Variants in SDK1 observed in about 807,000 individuals in gnomAD.
SDK1 encodes sidekick cell adhesion molecule 1.
SDK1 carries 157 observed loss-of-function variants against 245.5 expected under a neutral mutation model. The observed-to-expected ratio is 0.64, with a 90% confidence interval of 0.56 to 0.73. SDK1 has a LOEUF of 0.73. Ranked by LOEUF, SDK1 falls within the 30% of genes least tolerant of loss-of-function variation. The pLI is 0.00. For missense variants in SDK1, 3,583 were observed against 3,002.3 expected, an observed-to-expected ratio of 1.19 and a Z score of -4.52; for synonymous variants, 1,647 against 1,278.5, an observed-to-expected ratio of 1.29 and a Z score of -6.15.
intron 2 of SDK1, among the ~76,000 whole-genome samples, chr7:3,626,046 T>G (rs1259414111): frequency 2.0e-5 from 3 of 149,816 alleles, no homozygotes; most frequent in Admixed American, 6.7e-5. Context: ...TAGACTGAAG[T>G]GATCCTTCTG....
At chr7:3,919,189 G>T (rs546170218) in intron 5 of SDK1, among the ~76,000 whole-genome samples, 1 of 152,266 alleles carries the variant, frequency 6.6e-6, no homozygotes, top group African/African-American at 2.4e-5. Context: ...GAACAACTTA[G>T]AGTTCCTTGA....
intron 2 of SDK1, among the ~76,000 whole-genome samples, chr7:3,621,034 G>A (rs1163836517): frequency 6.6e-6 from 1 of 152,130 alleles, no homozygotes; most frequent in Non-Finnish European, 1.5e-5. Context: ...TGACCCATGA[G>A]CCCTCCCCTC....
chr7:3,958,141 C>A, intron 7 of SDK1: 1 of 368,612 alleles, frequency 2.7e-6, no homozygotes, highest in Non-Finnish European at 5.4e-6. Flanking sequence ...CTCTGGAAGA[C>A]AGTTCCCAGA....
chr7:3,625,906 T>G (rs1171201933), intron 2 of SDK1, among the ~76,000 whole-genome samples: 1 of 151,318 alleles, frequency 6.6e-6, no homozygotes, highest in African/African-American at 2.4e-5. Context: ...AAGTAAAAGG[T>G]AGAGCCAGAA....
At chr7:3,816,248 A>G (rs1179072439) in intron 4 of SDK1, among the ~76,000 whole-genome samples, 1 of 152,032 alleles carries the variant, frequency 6.6e-6, no homozygotes, top group East Asian at 1.9e-4. Context: ...CTAAAATCAG[A>G]GCAGAACTGA....
intron 4 of SDK1, among the ~76,000 whole-genome samples, chr7:3,650,825 GTT>G (rs55674495): frequency 0.14 from 20,172 of 143,872 alleles, 1,713 homozygotes; most frequent in Non-Finnish European, 0.18. Flanking sequence ...GTGGGGATTG[GTT>G]TTTTTTTTTT....
At chr7:3,502,921 C>G (rs1246839752) in intron 1 of SDK1, among the ~76,000 whole-genome samples, 2 of 152,154 alleles carry the variant, frequency 1.3e-5, no homozygotes, top group African/African-American at 4.8e-5. Flanking sequence ...TAATGCTGAT[C>G]TAACCAAATG....
chr7:3,726,320 C>T (rs183227056), intron 4 of SDK1, among the ~76,000 whole-genome samples: 5 of 152,260 alleles, frequency 3.3e-5, no homozygotes, highest in East Asian at 3.9e-4. Flanking sequence ...GTGTGAAGAA[C>T]GAAGTTAGTG....
chr7:4,127,712 CAG>C lies in SDK1; in HGVS notation c.3939+217_3939+218del, dbSNP rs1469787427. Among the ~76,000 whole-genome samples the C allele has an allele frequency of 2.6e-5, 4 of 152,376 alleles. No homozygotes were observed. The South Asian group carries it at 6.2e-4, about 24-fold the overall frequency. Reference sequence around the variant, plus strand: ...TATAACTATGACACAAATGCCAAAACAGGGCACCAGAAGAAAAGCACAGCCGG... The same window carrying C: ...TATAACTATGACACAAATGCCAAAACGGCACCAGAAGAAAAGCACAGCCGG... On this transcript the variant is annotated intron_variant, in intron 26 of 44. Coordinates refer to ENST00000404826, the MANE Select transcript of SDK1 (RefSeq NM_152744.4).
At chr7:3,393,611 G>T (rs777405849) in intron 1 of SDK1, among the ~76,000 whole-genome samples, 2 of 152,044 alleles carry the variant, frequency 1.3e-5, no homozygotes, top group Non-Finnish European at 2.9e-5. Context: ...AAATGAATGG[G>T]CTACAAGTTA....
chr7:3,513,360 G>A (rs965715766), intron 1 of SDK1, among the ~76,000 whole-genome samples: 1 of 152,254 alleles, frequency 6.6e-6, no homozygotes, highest in South Asian at 2.1e-4. Context: ...TTAAATTTCG[G>A]TTATTCTCAA....
rs372927239 is a variant in SDK1, at chr7:3,951,903, C to T, written c.1133C>T (p.Ala378Val). ...GSAFEPARAT[A>V]FLFIIEPPYF... is the part of the protein sequence containing the mutation. ...GCTTTTGAACCGGCCAGGGCGACGG[C>T]CTTTCTTTTCATCATAGGTAATGCG... The change falls in exon 7 of 45, where the codon GCC becomes GTC. Residue 378 changes from alanine (A) to valine (V), a missense_variant. By Grantham distance (64) the Ala-to-Val change is moderately conservative. Transcript: ENST00000404826. 6.2e-7 allele frequency: 1 copy of T among 1,612,886 alleles called. No homozygotes were observed. The highest frequency in any genetic ancestry group is 8.5e-7 in the Non-Finnish European group (1 of 1,179,904).
intron 17 of SDK1, among the ~76,000 whole-genome samples, chr7:4,017,937 G>A (rs1786548764): frequency 2.6e-5 from 4 of 152,106 alleles, no homozygotes; most frequent in African/African-American, 9.7e-5. Flanking sequence ...GTGAGATCCG[G>A]GTGCGGCGTG....
intron 1 of SDK1, among the ~76,000 whole-genome samples, chr7:3,370,059 G>A (rs758896593): frequency 1.3e-5 from 2 of 152,220 alleles, no homozygotes; most frequent in Admixed American, 1.3e-4. Flanking sequence ...TGGATTCAGA[G>A]CCATAATAAA....
At chr7:4,247,782 G>C (rs892693300) in intron 44 of SDK1, among the ~76,000 whole-genome samples, 11 of 152,182 alleles carry the variant, frequency 7.2e-5, no homozygotes, top group African/African-American at 2.4e-4. Flanking sequence ...GGTGGGGCCA[G>C]TCTCCTTATT....
chr7:3,739,892 A>G (rs1376240677), intron 4 of SDK1, among the ~76,000 whole-genome samples: 2 of 152,170 alleles, frequency 1.3e-5, no homozygotes, highest in Non-Finnish European at 2.9e-5. Context: ...TGGAAATCAG[A>G]TTTCCTACCC....
intron 25 of SDK1, among the ~76,000 whole-genome samples, chr7:4,118,067 T>G (rs771688106): frequency 6.6e-6 from 1 of 151,772 alleles, no homozygotes; most frequent in African/African-American, 2.4e-5. Flanking sequence ...CACGAGCAAC[T>G]AAAGAAAAAG....
intron 1 of SDK1, among the ~76,000 whole-genome samples, chr7:3,551,280 G>C (rs938750066): frequency 7.9e-5 from 12 of 152,096 alleles, no homozygotes; most frequent in Admixed American, 7.2e-4. Context: ...ATGGATATGT[G>C]AATTATTTAA....
chr7:3,866,916 A>G (rs1780836194), intron 5 of SDK1, among the ~76,000 whole-genome samples: 1 of 152,270 alleles, frequency 6.6e-6, no homozygotes, highest in Admixed American at 6.5e-5. Flanking sequence ...CGTGGCCTCC[A>G]TCCACAGCCC....
Sources: gnomAD v4.1 joint callset for allele counts (sites outside exome capture counted in the v4.1 genomes callset) on GRCh38, gnomAD v4.1.1 for gene constraint, MANE v1.5 for transcripts, NCBI Gene and HGNC (gene_info 2026-07-23, HGNC 2026-07-21) for gene names.